Variants in RANBP10 observed in about 807,000 individuals in gnomAD.
RANBP10 encodes the protein ran-binding protein 10.
In RANBP10, 24 loss-of-function variants were observed where a neutral mutation model predicts 72.8. The ratio of observed to expected loss-of-function variants is 0.33; its 90% CI spans 0.24 to 0.46. The LOEUF (loss-of-function observed/expected upper bound fraction) is 0.46. Among genes scored for constraint, RANBP10 ranks in the 20% least tolerant of loss-of-function variants. The pLI, the probability that RANBP10 is intolerant of heterozygous loss-of-function variation, is 1.00. For missense variants in RANBP10, 679 were observed against 817.5 expected, an observed-to-expected ratio of 0.83 and a Z score of 2.07; for synonymous variants, 310 against 322.3, an observed-to-expected ratio of 0.96 and a Z score of 0.41.
At chr16:67,783,361 C>T (rs1314236493) in intron 2 of RANBP10, among the ~76,000 whole-genome samples, 5 of 152,172 alleles carry the variant, frequency 3.3e-5, no homozygotes, top group African/African-American at 1.2e-4. Flanking sequence ...CTTTACTGTA[C>T]TCTACCACCC....
intron 5 of RANBP10, 56 bp from the exon 6 acceptor site, chr16:67,735,098 C>A (rs1042071474): frequency 6.2e-6 from 9 of 1,441,780 alleles, no homozygotes; most frequent in Non-Finnish European, 6.6e-6. Flanking sequence ...GTTCTAAGGC[C>A]TCACCTCACC....
chr16:67,739,584 C>T (rs2053926460), intron 4 of RANBP10, among the ~76,000 whole-genome samples: 1 of 152,068 alleles, frequency 6.6e-6, no homozygotes, highest in African/African-American at 2.4e-5. Context: ...AACAGAAGTT[C>T]AAGACCAGCA....
chr16:67,805,838 C>A (rs2055391762), intron 1 of RANBP10, among the ~76,000 whole-genome samples: 2 of 152,236 alleles, frequency 1.3e-5, no homozygotes, highest in African/African-American at 4.8e-5. Flanking sequence ...GGCAGCCCAC[C>A]TGGGAGGCCA....
intron 3 of RANBP10, among the ~76,000 whole-genome samples, chr16:67,759,030 A>T (rs898430795): frequency 6.6e-5 from 10 of 152,224 alleles, no homozygotes; most frequent in African/African-American, 1.4e-4. Flanking sequence ...AGAGCAAATT[A>T]TCTGAAACAA....
rs543993426 is a variant in RANBP10, at chr16:67,788,292, G to A, written c.348-16206C>T. Among the ~76,000 whole-genome samples, 1,067 of 151,792 alleles carry A rather than the reference G, an allele frequency of 7.0e-3. 16 individuals are homozygous for A. Among genetic ancestry groups the A allele is most frequent in the African/African-American group, 0.024 (1,010 of 41,372 alleles). ...TTTTGAGACAGAGTCTTGCTCTGTC[G>A]CCCAGGCTGGAGTGCAGTGGTGCGA... is the stretch of plus-strand genomic sequence containing the variant. On this transcript the variant is annotated intron_variant, in intron 2 of 13. Transcript: ENST00000317506.
At chr16:67,748,328 T>C (rs534117377) in intron 3 of RANBP10, among the ~76,000 whole-genome samples, 1 of 151,366 alleles carries the variant, frequency 6.6e-6, no homozygotes, top group East Asian at 2.0e-4. Flanking sequence ...AAGACCAGCC[T>C]AGCCAACATG....
rs571584182 is a variant in RANBP10, at chr16:67,799,794, C to T, written c.347+5634G>A. Among the ~76,000 whole-genome samples, 36 of 152,158 alleles carry T rather than the reference C, an allele frequency of 2.4e-4. No homozygotes were observed. The South Asian group carries it at 7.1e-3, about 30-fold the overall frequency. ...CGGTGGCCTGACCCTTCGACACCAC[C>T]GGTGGGGCCTCATGCCTGTGCTCCT... On this transcript the variant is annotated intron_variant, in intron 2 of 13. Transcript: ENST00000317506.
intron 2 of RANBP10, among the ~76,000 whole-genome samples, chr16:67,799,927 C>T (rs931691102): frequency 2.0e-5 from 3 of 152,024 alleles, no homozygotes; most frequent in Non-Finnish European, 4.4e-5. Flanking sequence ...TCTAGAACAT[C>T]CTGGCCAACA....
intron 3 of RANBP10, among the ~76,000 whole-genome samples, chr16:67,769,464 T>TAAAAAAAAAAAAAAAAA (rs1353210626): frequency 1.1e-4 from 1 of 9,190 alleles, no homozygotes; most frequent in African/African-American, 3.5e-4. Flanking sequence ...AAAAAAAAAG[T>TAAAAAAAAAAAAAAAAA]GCTGGGCGCA....
chr16:67,742,129 C>T (rs899097609), intron 4 of RANBP10, among the ~76,000 whole-genome samples: 5 of 150,910 alleles, frequency 3.3e-5, no homozygotes, highest in African/African-American at 1.2e-4. Context: ...AGGCTCATCT[C>T]GAACTCCTGG....
intron 3 of RANBP10, among the ~76,000 whole-genome samples, chr16:67,755,524 A>T (rs1424067535): frequency 6.6e-6 from 1 of 151,988 alleles, no homozygotes; most frequent in Non-Finnish European, 1.5e-5. Flanking sequence ...TCTCTACTAA[A>T]CATACAAAAA....
chr16:67,737,720 C>T (rs1285320561), intron 5 of RANBP10, among the ~76,000 whole-genome samples: 2 of 152,022 alleles, frequency 1.3e-5, no homozygotes, highest in Non-Finnish European at 2.9e-5. Context: ...ACCAGTTGAG[C>T]CATGGAGCTA....
chr16:67,772,110 A>G, intron 2 of RANBP10, 24 bp from the exon 3 acceptor site: 1 of 1,574,332 alleles, frequency 6.4e-7, no homozygotes, highest in Non-Finnish European at 8.6e-7. Context: ...AAAAAAAAAA[A>G]CACAAAATTT....
chr16:67,765,868 T>G (rs1190984838), intron 3 of RANBP10, among the ~76,000 whole-genome samples: 1 of 151,484 alleles, frequency 6.6e-6, no homozygotes, highest in East Asian at 1.9e-4. Context: ...AATAAATAAG[T>G]CAGACATGGT....
chr16:67,804,931 T>C (rs993425651), intron 2 of RANBP10, among the ~76,000 whole-genome samples: 2 of 152,168 alleles, frequency 1.3e-5, no homozygotes, highest in African/African-American at 2.4e-5. Flanking sequence ...GGTCACCTGA[T>C]TCTGATCATG....
At chr16:67,728,267 AC>A in intron 11 of RANBP10, 122 bp downstream of exon 11, 1 of 1,056,414 alleles carries the variant, frequency 9.5e-7, no homozygotes, top group South Asian at 1.5e-5. Flanking sequence ...GAGGCTGTGG[AC>A]CAGGTCTGGC....
At chr16:67,731,450 G>C (rs909261044) in intron 7 of RANBP10, 22 bp downstream of exon 7, 2 of 1,585,166 alleles carry the variant, frequency 1.3e-6, no homozygotes, top group African/African-American at 2.7e-5. Flanking sequence ...GAAGGGAAAG[G>C]GGAAAGTAGA....
intron 2 of RANBP10, 53 bp from the exon 3 acceptor site, chr16:67,772,139 T>C (rs1321106062): frequency 7.1e-6 from 11 of 1,551,746 alleles, no homozygotes; most frequent in South Asian, 3.6e-5. Context: ...CAAATGCTCA[T>C]GCGTCTCCCT....
Position 67,727,862 on chromosome 16 carries a change from G to T in RANBP10, c.1509C>A (p.Gly503=). 6.2e-7 allele frequency: 1 copy of T among 1,614,068 alleles called. No individual in the cohort carries two copies. Among genetic ancestry groups the T allele is most frequent in the Non-Finnish European group, 8.5e-7 (1 of 1,180,040 alleles). ...TGATCCTTTCTGTGGCAGCCTGGTT[G>T]CCCCCGCAGAGCTGCCGCCGAGGAT... ...DRHPRRQLCG[G]NQAATERIIL... is the part of the protein sequence containing the mutation. The change falls in exon 12 of 14, where the codon GGC becomes GGA. Residue 503 remains glycine (G), a synonymous_variant. Transcript: ENST00000317506.
Sources: gnomAD v4.1 joint callset for allele counts (sites outside exome capture counted in the v4.1 genomes callset) on GRCh38, gnomAD v4.1.1 for gene constraint, MANE v1.5 for transcripts, NCBI Gene and HGNC (gene_info 2026-07-23, HGNC 2026-07-21) for gene names.